ZBTB20: variants seen among roughly 807,000 people sequenced by gnomAD.
The protein encoded by ZBTB20 is zinc finger and BTB domain-containing protein 20.
A neutral mutation model predicts 56.9 loss-of-function variants in ZBTB20; 9 were observed. That is an observed-to-expected ratio of 0.16 (90% CI 0.10 to 0.28). The LOEUF is 0.28. ZBTB20 is among the 10% of genes least tolerant of loss of function. ZBTB20 has a pLI of 1.00. For synonymous variants in ZBTB20, 417 were observed against 420.7 expected (o/e 0.99, Z 0.11); for missense variants, 655 against 1,003.0 (o/e 0.65, Z 4.69).
intron 6 of ZBTB20, among the ~76,000 whole-genome samples, chr3:114,512,211 T>C (rs1177886630): frequency 6.6e-6 from 1 of 152,050 alleles, no homozygotes; most frequent in African/African-American, 2.4e-5. Flanking sequence ...TAATAAAAAT[T>C]AGTTGCTTTA....
chr3:114,634,040 A>G (rs1030612863), intron 6 of ZBTB20, among the ~76,000 whole-genome samples: 1 of 152,154 alleles, frequency 6.6e-6, no homozygotes, highest in African/African-American at 2.4e-5. Flanking sequence ...TACATTATGT[A>G]AGTATTCCAT....
intron 6 of ZBTB20, among the ~76,000 whole-genome samples, chr3:114,583,443 C>G (rs1025538383): frequency 6.6e-6 from 1 of 151,524 alleles, no homozygotes; most frequent in Non-Finnish European, 1.5e-5. Flanking sequence ...TTGTTGAAAC[C>G]AACAATTACA....
intron 7 of ZBTB20, among the ~76,000 whole-genome samples, chr3:114,451,719 A>G (rs867759000): frequency 5.3e-5 from 8 of 152,186 alleles, no homozygotes; most frequent in African/African-American, 1.9e-4. Context: ...ATAAAAAGTC[A>G]TATGATATCT....
At chr3:114,643,587 T>C (rs1242747293) in intron 6 of ZBTB20, among the ~76,000 whole-genome samples, 2 of 152,150 alleles carry the variant, frequency 1.3e-5, no homozygotes, top group African/African-American at 4.8e-5. Context: ...GTACTAGACA[T>C]GTTTTCCTGC....
chr3:114,393,742 C>T (rs943708533), intron 7 of ZBTB20, among the ~76,000 whole-genome samples: 2 of 152,210 alleles, frequency 1.3e-5, no homozygotes, highest in Non-Finnish European at 2.9e-5. Context: ...GCCACAAATT[C>T]TCCCTAGAAC....
chr3:114,465,277 T>C (rs925444149), intron 7 of ZBTB20, among the ~76,000 whole-genome samples: 1 of 152,210 alleles, frequency 6.6e-6, no homozygotes, highest in African/African-American at 2.4e-5. Context: ...ACTACTGTAT[T>C]AAATTATTAA....
chr3:114,544,438 TTTCTTTCTTTC>T (rs2049536442), intron 6 of ZBTB20, among the ~76,000 whole-genome samples: 3 of 99,304 alleles, frequency 3.0e-5, no homozygotes, highest in Non-Finnish European at 6.3e-5. Flanking sequence ...TCTTTCTTTC[TTTCTTTCTTTC>T]TTTCTTTCTT....
chr3:114,704,636 T>C (rs553972360), intron 5 of ZBTB20, among the ~76,000 whole-genome samples: 3 of 152,296 alleles, frequency 2.0e-5, no homozygotes, highest in South Asian at 4.1e-4. Flanking sequence ...TGATATGTCA[T>C]AGACTACTCT....
rs1320771018 is a variant in ZBTB20 at position 114,764,281 on chromosome 3, G to C, written c.-343+36820C>G. Among the ~76,000 whole-genome samples, 4 of 146,104 alleles carry C rather than the reference G, an allele frequency of 2.7e-5. No individual in the cohort carries two copies. In the East Asian group the frequency reaches 8.0e-4, roughly 29 times the overall value. On this transcript the variant is annotated intron_variant, in intron 5 of 11. Coordinates refer to ENST00000675478, the MANE Select transcript of ZBTB20 (RefSeq NM_001348800.3). ...TTTTTTTTTTTGTCCTGTACTGCCA[G>C]GTTGGAATAATGACCAAAGGGAGGG...
At chr3:114,619,727 A>G (rs2058190233) in intron 6 of ZBTB20, among the ~76,000 whole-genome samples, 1 of 152,192 alleles carries the variant, frequency 6.6e-6, no homozygotes, top group Non-Finnish European at 1.5e-5. Flanking sequence ...CTACTCATTG[A>G]TGAGAAACAA....
At position 114,597,898 on chromosome 3, in the gene ZBTB20, T is replaced by C. The variant is rs965602691; in HGVS notation, c.-295+95630A>G. Among the ~76,000 whole-genome samples, 5 of 152,280 alleles carry C rather than the reference T, an allele frequency of 3.3e-5. No homozygotes were observed. The East Asian group carries it at 9.6e-4, about 29-fold the overall frequency. On this transcript the variant is annotated intron_variant, in intron 6 of 11. Transcript: ENST00000675478. Reference sequence around the variant, plus strand: ...TTCTTTTTTATGTTAGGAGATAAAATGAAAGGATTTAGATTTCCTGCCATG... The same window carrying C: ...TTCTTTTTTATGTTAGGAGATAAAACGAAAGGATTTAGATTTCCTGCCATG...
intron 2 of ZBTB20, among the ~76,000 whole-genome samples, chr3:115,065,003 T>C (rs1021255004): frequency 2.6e-5 from 4 of 152,150 alleles, no homozygotes; most frequent in African/African-American, 9.7e-5. Flanking sequence ...AATTTTACCA[T>C]ATACTTTTAT....
At chr3:114,348,641 CTTACA>C (rs2080388310) in intron 11 of ZBTB20, among the ~76,000 whole-genome samples, 1 of 152,202 alleles carries the variant, frequency 6.6e-6, no homozygotes, top group Admixed American at 6.5e-5. Flanking sequence ...AATGTCCTGA[CTTACA>C]TTACCCTGCA....
At chr3:114,605,127 G>C (rs1183791759) in intron 6 of ZBTB20, among the ~76,000 whole-genome samples, 4 of 151,982 alleles carry the variant, frequency 2.6e-5, no homozygotes, top group African/African-American at 4.8e-5. Flanking sequence ...GTACTTAGAA[G>C]TTCCTAAAGG....
chr3:114,800,365 T>G (rs1290649639), intron 5 of ZBTB20, among the ~76,000 whole-genome samples: 1 of 151,878 alleles, frequency 6.6e-6, no homozygotes. Context: ...ATTCAGACGT[T>G]GAAATCCCAA....
intron 7 of ZBTB20, among the ~76,000 whole-genome samples, chr3:114,460,451 TATAAG>T (rs1187450990): frequency 5.9e-5 from 9 of 152,134 alleles, no homozygotes; most frequent in Non-Finnish European, 1.0e-4. Context: ...CAAAGGTTCT[TATAAG>T]AGAGAGGCAG....
chr3:115,088,324 G>A (rs1389874535), intron 1 of ZBTB20, among the ~76,000 whole-genome samples: 1 of 151,778 alleles, frequency 6.6e-6, no homozygotes, highest in Non-Finnish European at 1.5e-5. Context: ...ACCACTCTTA[G>A]AGAAGAAAAT....
At chr3:114,954,590 A>G (rs1001060214) in intron 3 of ZBTB20, among the ~76,000 whole-genome samples, 1 of 152,208 alleles carries the variant, frequency 6.6e-6, no homozygotes, top group African/African-American at 2.4e-5. Flanking sequence ...AGATAGCATT[A>G]TCTGAGAAAG....
chr3:114,729,434 C>T (rs751082705), intron 5 of ZBTB20, among the ~76,000 whole-genome samples: 3 of 152,134 alleles, frequency 2.0e-5, no homozygotes, highest in Non-Finnish European at 2.9e-5. Flanking sequence ...TTTATTTTTA[C>T]TTTATGCATG....
Sources: allele counts gnomAD v4.1 joint callset (sites outside exome capture counted in the v4.1 genomes callset), GRCh38; gene constraint gnomAD v4.1.1; transcripts MANE v1.5; gene names NCBI Gene and HGNC (gene_info 2026-07-23, HGNC 2026-07-21).